Variants in PCM1 observed in about 807,000 individuals in gnomAD.
The protein encoded by PCM1 is pericentriolar material 1 protein.
A neutral mutation model predicts 241.9 loss-of-function variants in PCM1; 157 were observed. The observed-to-expected ratio is 0.65, with a 90% CI of 0.57 to 0.74. PCM1 has a LOEUF of 0.74. Ranked by LOEUF, PCM1 falls within the 30% of genes least tolerant of loss-of-function variation. The probability of loss-of-function intolerance (pLI) is 0.00; values close to 1 mark genes in which losing one functional copy is unlikely to be tolerated. For missense variants in PCM1, 3,478 were observed against 2,360.1 expected (o/e 1.47, Z -9.81); for synonymous variants, 1,085 against 784.9 (o/e 1.38, Z -6.39).
chr8:17,999,214 G>A (rs1159228431), intron 29 of PCM1, among the ~76,000 whole-genome samples: 2 of 151,900 alleles, frequency 1.3e-5, no homozygotes, highest in African/African-American at 4.8e-5. Context: ...CAAGCAGAAG[G>A]AATCTTTCAC....
chr8:18,028,887 C>G lies in PCM1; in HGVS notation c.*1225C>G, dbSNP rs1229731795. On this transcript the variant is annotated 3_prime_UTR_variant, in exon 39 of 39. Coordinates refer to ENST00000325083, the MANE Select transcript of PCM1 (RefSeq NM_006197.4). ...TACTTGCTGCCCAGGCACCATGGCT[C>G]ACTCCTGTAATCCCAGCACCTTGGG... 3 of 183,126 alleles carry G rather than the reference C, an allele frequency of 1.6e-5. No individual in the cohort carries two copies. The highest frequency in any genetic ancestry group is 2.0e-4 in the South Asian group (1 of 5,118). 11.3% of individuals were successfully genotyped at this position (183,126 alleles called of 1,614,324 possible). A position where few individuals can be genotyped will look rare whatever the true frequency, so the allele number is the denominator to read the frequency against.
intron 27 of PCM1, among the ~76,000 whole-genome samples, chr8:17,990,977 T>C (rs941595970): frequency 6.6e-6 from 1 of 152,126 alleles, no homozygotes; most frequent in Non-Finnish European, 1.5e-5. Context: ...CCTCACCCCT[T>C]AGGTTGTCCC....
At chr8:17,935,506 G>A (rs1487368189) in intron 2 of PCM1, 83 bp from the exon 3 acceptor site, 1 of 610,934 alleles carries the variant, frequency 1.6e-6, no homozygotes, top group African/African-American at 1.8e-5. Flanking sequence ...TTCAAAGATT[G>A]TATTGCTAAA....
intron 13 of PCM1, among the ~76,000 whole-genome samples, chr8:17,958,841 C>T (rs566536859): frequency 1.1e-4 from 16 of 152,226 alleles, no homozygotes; most frequent in African/African-American, 3.9e-4. Context: ...TCTGCCTCAG[C>T]CTCCCGAGTA....
chr8:18,008,238 T>G (rs536434554), intron 30 of PCM1, among the ~76,000 whole-genome samples: 1 of 152,200 alleles, frequency 6.6e-6, no homozygotes, highest in South Asian at 2.1e-4. Flanking sequence ...GCAGCAGCAT[T>G]AGATTCTCAT....
chr8:18,002,850 T>C (rs1453085244), intron 29 of PCM1, among the ~76,000 whole-genome samples: 2 of 120,800 alleles, frequency 1.7e-5, no homozygotes, highest in Non-Finnish European at 3.1e-5. Flanking sequence ...TCTTCATGTG[T>C]TTTTTGGCTG....
chr8:18,011,370 A>G lies in PCM1; in HGVS notation c.5350+4A>G, dbSNP rs1447272136. ...GAAGGATGTCCAGTGTCTATTAGTA[A>G]GTTTAAAGGCTCTGTACTATCTTTA... On this transcript the variant is annotated splice_donor_region_variant and intron_variant, in intron 33 of 38. Coordinates refer to ENST00000325083, the MANE Select transcript of PCM1 (RefSeq NM_006197.4). 7 of 1,580,332 alleles carry G rather than the reference A, an allele frequency of 4.4e-6. No homozygotes were observed. The highest frequency in any genetic ancestry group is 5.1e-6 in the Non-Finnish European group (6 of 1,167,846).
rs752102882 is a variant in PCM1 at position 17,963,153 on chromosome 8, G to C, written c.2516G>C (p.Arg839Thr). 21 of 1,613,496 alleles carry C rather than the reference G, an allele frequency of 1.3e-5. No individual in the cohort carries two copies. The highest frequency in any genetic ancestry group is 1.8e-5 in the Non-Finnish European group (21 of 1,179,682). ...ATGTTGAGGGAGGAGCTGCGACAGA[G>C]AAGAAAGCAGCTTGAAGCTCTGATG... ...HEMLREELRQ[R>T]RKQLEALMAE... The change falls in exon 17 of 39, where the codon AGA becomes ACA. Residue 839 changes from arginine to threonine, a missense_variant. By Grantham distance (71) the Arg-to-Thr change is moderately conservative. Transcript: ENST00000325083.
intron 2 of PCM1, chr8:17,926,037 C>G (rs1257265747): frequency 6.7e-6 from 1 of 149,596 alleles, no homozygotes; most frequent in Non-Finnish European, 1.5e-5. Context: ...CAAAACAGGG[C>G]AAGAAAAATG....
chr8:17,939,973 T>C (rs2061550267), intron 6 of PCM1, 112 bp downstream of exon 6: 1 of 1,214,552 alleles, frequency 8.2e-7, no homozygotes, highest in East Asian at 2.5e-5. Flanking sequence ...CAAAAAATCA[T>C]GCCATCCATT....
Position 17,972,582 on chromosome 8 carries a change from A to C in PCM1, c.3838A>C (p.Arg1280=). The stretch of plus-strand genomic sequence containing the variant: ...AACAGTGACTAAAACATTCAAGACA[A>C]GAAAAGCGTCTGCACAGGCCAGCCT... ...PTTVTKTFKT[R]KASAQASLAS... is the part of the protein sequence containing the mutation. The change falls in exon 23 of 39, where the codon AGA becomes CGA. Residue 1280 remains arginine, a synonymous_variant. Transcript: ENST00000325083. 2 of 1,613,744 alleles carry C rather than the reference A, an allele frequency of 1.2e-6. No individual in the cohort carries two copies. The highest frequency in any genetic ancestry group is 1.6e-4 in the Middle Eastern group (1 of 6,062).
At chr8:18,007,076 T>G (rs549600989) in intron 30 of PCM1, among the ~76,000 whole-genome samples, 132 of 152,332 alleles carry the variant, frequency 8.7e-4, no homozygotes, top group Middle Eastern at 3.4e-3. Context: ...CATGTTAGTG[T>G]TAATAAAATT....
Position 17,957,613 on chromosome 8 carries a change from A to G in PCM1, c.1878A>G (p.Glu626=), listed in dbSNP as rs775040406. 8.9e-6 allele frequency: 14 copies of G among 1,577,288 alleles called. No individual in the cohort carries two copies. The Admixed American group carries it at 1.7e-4, about 19-fold the overall frequency. ...AQGEDDEEEE[E]EAEEEGVSGA... The stretch of plus-strand genomic sequence containing the variant: ...GTGAAGATGATGAGGAGGAGGAGGA[A>G]GAAGCAGAAGAGGAGGGAGTCAGTG... Residue 626 remains glutamate, a synonymous_variant, in exon 13 of 39, where the codon GAA becomes GAG. Transcript: ENST00000325083.
chr8:17,927,910 A>G (rs750246452), intron 2 of PCM1: 5 of 149,482 alleles, frequency 3.3e-5, no homozygotes, highest in Non-Finnish European at 7.4e-5. Flanking sequence ...TAAAATTGCC[A>G]TAGTATATTT....
At chr8:17,983,814 T>A (rs1226000913) in intron 24 of PCM1, among the ~76,000 whole-genome samples, 1 of 152,126 alleles carries the variant, frequency 6.6e-6, no homozygotes, top group Non-Finnish European at 1.5e-5. Context: ...TTGTAAATAT[T>A]TTTTTAACTC....
At chr8:17,929,007 G>T (rs438873) in intron 2 of PCM1, among the ~76,000 whole-genome samples, 3 of 151,924 alleles carry the variant, frequency 2.0e-5, no homozygotes, top group Non-Finnish European at 4.4e-5. Context: ...CCTTATGACC[G>T]TCTGTGCTTG....
At chr8:17,964,343 A>T (rs1461377585) in intron 17 of PCM1, among the ~76,000 whole-genome samples, 1 of 152,210 alleles carries the variant, frequency 6.6e-6, no homozygotes, top group African/African-American at 2.4e-5. Flanking sequence ...TATGATGATT[A>T]TTTAAATGTA....
intron 8 of PCM1, among the ~76,000 whole-genome samples, chr8:17,952,606 TA>T (rs1292771760): frequency 1.3e-5 from 2 of 152,206 alleles, no homozygotes; most frequent in Non-Finnish European, 2.9e-5. Context: ...ACATAGTGTT[TA>T]TATTGTATTA....
In PCM1 at chr8:17,935,679, G is replaced by C. The variant is rs190100610; in HGVS notation, c.69G>C (p.Glu23Asp). 365 of 1,497,984 alleles carry C rather than the reference G, an allele frequency of 2.4e-4. 2 individuals are homozygous for C. The Middle Eastern group carries it at 3.3e-3, about 13-fold the overall frequency. 92.8% of individuals were successfully genotyped at this position (1,497,984 alleles called of 1,614,324 possible). The stretch of plus-strand genomic sequence containing the variant: ...AGGATTTACCAAACTGGAGTAATGA[G>C]AATGTTGATGACAGGCTCAACAATA... ...NDQDLPNWSN[E>D]NVDDRLNNMD... Residue 23 changes from glutamate (E) to aspartate (D), a missense_variant, in exon 3 of 39, where the codon GAG becomes GAC. By Grantham distance (45) the Glu-to-Asp change is conservative. Transcript: ENST00000325083.
Sources: allele counts gnomAD v4.1 joint callset (sites outside exome capture counted in the v4.1 genomes callset), GRCh38; gene constraint gnomAD v4.1.1; transcripts MANE v1.5; gene names NCBI Gene and HGNC (gene_info 2026-07-23, HGNC 2026-07-21).